The following PRAMEF20 variants were observed in gnomAD, a reference collection of about 807,000 sequenced individuals.
PRAMEF20 encodes PRAME family member 20.
PRAMEF20 carries 27 observed loss-of-function variants against 32.4 expected under a neutral mutation model. The observed-to-expected ratio is 0.83, with a 90% CI of 0.61 to 1.15. The LOEUF (loss-of-function observed/expected upper bound fraction) is 1.15. Among genes scored for constraint, PRAMEF20 ranks in the 50% most tolerant of loss-of-function variants. The pLI is 0.00. For synonymous variants in PRAMEF20, 256 were observed against 235.4 expected (o/e 1.09, Z -0.80); for missense variants, 604 against 584.5 (o/e 1.03, Z -0.34).
intron 2 of PRAMEF20, among the ~76,000 whole-genome samples, chr1:13,419,743 C>G (rs1451048536): frequency 1.3e-5 from 2 of 151,992 alleles, no homozygotes; most frequent in Non-Finnish European, 2.9e-5. Context: ...TAATTTTTAA[C>G]AAGATGATGG....
intron 2 of PRAMEF20, among the ~76,000 whole-genome samples, chr1:13,420,324 C>A (rs1641228988): frequency 6.6e-6 from 1 of 152,174 alleles, no homozygotes; most frequent in South Asian, 2.1e-4. Context: ...GGTTCTCCTG[C>A]CTCAGCCTCC....
chr1:13,412,031 AT>A (rs1262310137), upstream of PRAMEF20, among the ~76,000 whole-genome samples: 20 of 131,790 alleles, frequency 1.5e-4, no homozygotes, highest in East Asian at 6.3e-4. Flanking sequence ...AATTTAATTT[AT>A]TTTATTTATT....
intron 2 of PRAMEF20, among the ~76,000 whole-genome samples, chr1:13,419,626 A>G (rs1641220495): frequency 1.3e-5 from 2 of 151,902 alleles, no homozygotes; most frequent in African/African-American, 2.4e-5. Flanking sequence ...GGGTTTCACC[A>G]TGTTAGCCAG....
upstream of PRAMEF20, among the ~76,000 whole-genome samples, chr1:13,414,718 G>GC (rs1489833253): frequency 1.3e-5 from 2 of 151,960 alleles, no homozygotes. Flanking sequence ...ACCCGCTGCA[G>GC]CCTCTCAAAG....
chr1:13,410,990 TG>T, the PRAMEF20 span, among the ~76,000 whole-genome samples: 1 of 152,084 alleles, frequency 6.6e-6, no homozygotes, highest in Non-Finnish European at 1.5e-5. Flanking sequence ...CCTGAGTAGC[TG>T]GGATTACAGC....
At chr1:13,420,847 G>C in exon 3 of PRAMEF20, 2 of 1,604,010 alleles carry the variant, frequency 1.2e-6, no homozygotes, top group African/African-American at 1.3e-5. Flanking sequence ...GCCTTGTGCC[G>C]CTCCAAGTTC....
At chr1:13,416,637 C>G (rs768627566) in exon 1 of PRAMEF20, 1 of 1,614,120 alleles carries the variant, frequency 6.2e-7, no homozygotes, top group Non-Finnish European at 8.5e-7. Flanking sequence ...CAGGGTTCGT[C>G]TCAGGTGAGG....
At chr1:13,414,177 G>A (rs1380919346), upstream of PRAMEF20, among the ~76,000 whole-genome samples, 1 of 151,306 alleles carries the variant, frequency 6.6e-6, no homozygotes, top group Admixed American at 6.6e-5. Context: ...AAGTAGCTGG[G>A]ACTACAGGCA....
exon 3 of PRAMEF20, chr1:13,421,186 C>G: frequency 6.2e-7 from 1 of 1,613,964 alleles, no homozygotes; most frequent in East Asian, 2.2e-5. Flanking sequence ...GGATCTTGTT[C>G]TGTACCGACT....
chr1:13,414,196 C>A (rs1200241106), upstream of PRAMEF20, among the ~76,000 whole-genome samples: 1 of 146,580 alleles, frequency 6.8e-6, no homozygotes, highest in Non-Finnish European at 1.5e-5. Flanking sequence ...CACCCGCCAT[C>A]ACACCTGACT....
chr1:13,413,492 G>C (rs1352456829), upstream of PRAMEF20, among the ~76,000 whole-genome samples: 1 of 152,012 alleles, frequency 6.6e-6, no homozygotes, highest in Non-Finnish European at 1.5e-5. Context: ...AGCCTCCCTA[G>C]TAGCTGGGAC....
At chr1:13,420,809 C>G in exon 3 of PRAMEF20, 1 of 1,613,982 alleles carries the variant, frequency 6.2e-7, no homozygotes, top group Non-Finnish European at 8.5e-7. Context: ...GACCCTGGAC[C>G]TGAGTGGCAC....
rs1239321207 is a variant in PRAMEF20, at chr1:13,417,607, A to G, written c.288-515A>G. Among the ~76,000 whole-genome samples the G allele has an allele frequency of 2.6e-5, 4 of 151,874 alleles. No individual in the cohort carries two copies. The East Asian group carries it at 7.8e-4, about 30-fold the overall frequency. On this transcript the variant is annotated intron_variant, in intron 1 of 2. Transcript: ENST00000602960. The stretch of plus-strand genomic sequence containing the variant: ...GACAGAGGGAGACTCTGTCTCAAAA[A>G]AAAAAAAGTGGAACTGGGCAGGATC...
exon 2 of PRAMEF20, chr1:13,418,370 A>G: frequency 2.5e-6 from 4 of 1,613,844 alleles, no homozygotes; most frequent in Admixed American, 3.3e-5. Flanking sequence ...GGTTTAGTAC[A>G]CCTGTGCTGT....
chr1:13,419,299 A>C (rs1282427203), intron 2 of PRAMEF20, among the ~76,000 whole-genome samples: 1 of 151,562 alleles, frequency 6.6e-6, no homozygotes, highest in Non-Finnish European at 1.5e-5. Flanking sequence ...GATTACAGGC[A>C]CGGGCCACCA....
Position 13,420,416 on chromosome 1 carries a change from C to CAG in PRAMEF20, c.867-281_867-280insAG, listed in dbSNP as rs1641229863. 7.2e-5 allele frequency among the ~76,000 whole-genome samples: 11 copies of CAG among 152,250 alleles called. No homozygotes were observed. The South Asian group carries it at 2.3e-3, about 32-fold the overall frequency. The stretch of plus-strand genomic sequence containing the variant: ...AGTAGACAGGGTTTTGCCATGTTGG[C>CAG]CAGGCTGGTCTCAAACTCCTGACCT... On this transcript the variant is annotated intron_variant, in intron 2 of 2. Transcript: ENST00000602960.
chr1:13,411,867 T>G (rs992974090), upstream of PRAMEF20, among the ~76,000 whole-genome samples: 2 of 152,140 alleles, frequency 1.3e-5, no homozygotes, highest in Non-Finnish European at 2.9e-5. Flanking sequence ...CCGAGTTGCA[T>G]GAAAATTGAC....
chr1:13,414,208 ATT>A (rs149194621), upstream of PRAMEF20, among the ~76,000 whole-genome samples: 27,252 of 120,662 alleles, frequency 0.23, 1,149 homozygotes, highest in East Asian at 0.34. Context: ...CACCTGACTA[ATT>A]TTTTTTTTTT....
At chr1:13,413,889 C>A (rs1259113603), upstream of PRAMEF20, among the ~76,000 whole-genome samples, 2 of 152,114 alleles carry the variant, frequency 1.3e-5, no homozygotes, top group Non-Finnish European at 2.9e-5. Flanking sequence ...CCCAAGATGG[C>A]ACAGAGAATT....
Sources: allele counts gnomAD v4.1 joint callset (sites outside exome capture counted in the v4.1 genomes callset), GRCh38; gene constraint gnomAD v4.1.1; transcripts MANE v1.5; gene names NCBI Gene and HGNC (gene_info 2026-07-23, HGNC 2026-07-21).